The following MUCL3 variants were observed in gnomAD, a reference collection of about 807,000 sequenced individuals.
The protein encoded by MUCL3 is mucin like 3.
A neutral mutation model predicts 70.2 loss-of-function variants in MUCL3; 42 were observed. The ratio of observed to expected loss-of-function variants is 0.60; its 90% CI spans 0.47 to 0.77. The LOEUF (loss-of-function observed/expected upper bound fraction) is 0.77, where lower values mean the gene tolerates loss of function less well. Among genes scored for constraint, MUCL3 ranks in the 30% least tolerant of loss-of-function variants. The pLI is 0.00. For synonymous variants in MUCL3, 522 were observed against 647.0 expected, an observed-to-expected ratio of 0.81 and a Z score of 2.93; for missense variants, 1,429 against 1,670.0, an observed-to-expected ratio of 0.86 and a Z score of 2.52.
At chr6:30,942,858 G>A (rs2150603105) in intron 1 of MUCL3, among the ~76,000 whole-genome samples, 2 of 152,290 alleles carry the variant, frequency 1.3e-5, no homozygotes, top group East Asian at 3.9e-4. Flanking sequence ...ATTCCGATGG[G>A]GCCATGTGGG....
chr6:30,951,684 G>A lies in MUCL3; in HGVS notation c.3220G>A (p.Glu1074Lys). The A allele has an allele frequency of 6.4e-7, 1 of 1,552,274 alleles. No homozygotes were observed. Among genetic ancestry groups the A allele is most frequent in the Non-Finnish European group, 8.7e-7 (1 of 1,147,126 alleles). ...TGGAGAAAAGACTACATTGGCCAAT[G>A]AGAAGATCACACTATCCCCAGAAGG... ...EHGEKTTLAN[E>K]KITLSPEGPT... The change falls in exon 2 of 3, where the codon GAG becomes AAG. Residue 1074 changes from glutamate to lysine, a missense_variant. By Grantham distance (56) the Glu-to-Lys change is moderately conservative. Coordinates refer to ENST00000462446, the MANE Select transcript of MUCL3 (RefSeq NM_080870.4).
rs1760634090 is a variant in MUCL3, at chr6:30,950,852, A to T, written c.2388A>T (p.Ser796=). 2.6e-6 allele frequency: 4 copies of T among 1,550,536 alleles called. No homozygotes were observed. Among genetic ancestry groups the T allele is most frequent in the Non-Finnish European group, 3.5e-6 (4 of 1,146,844 alleles). ...RTPFANEKTT[S]SSAEPTEHAE... is the part of the protein sequence containing the mutation. Reference sequence around the variant, plus strand: ...CATTTGCCAATGAGAAGACCACATCATCCTCAGCAGAGCCTACAGAACACG... The same window carrying T: ...CATTTGCCAATGAGAAGACCACATCTTCCTCAGCAGAGCCTACAGAACACG... Residue 796 remains serine (S), a synonymous_variant, in exon 2 of 3, where the codon TCA becomes TCT. Transcript: ENST00000462446.
chr6:30,953,609 G>T lies in MUCL3; in HGVS notation c.*492G>T, dbSNP rs143020114. ...AAACAGGCTCATCTCTGAGTTCTCA[G>T]GACCCTTGCCCCCACCCCCATTTTT... On this transcript the variant is annotated 3_prime_UTR_variant, in exon 3 of 3. Transcript: ENST00000462446. The T allele has an allele frequency of 4.3e-3, 632 of 148,470 alleles. 5 individuals carry two copies. The highest frequency in any genetic ancestry group is 0.017 in the Middle Eastern group (5 of 296). 9.2% of individuals were successfully genotyped at this position (148,470 alleles called of 1,614,324 possible).
Position 30,952,133 on chromosome 6 carries a change from A to C in MUCL3, c.3669A>C (p.Lys1223Asn). 2 of 1,613,164 alleles carry C rather than the reference A, an allele frequency of 1.2e-6. No individual in the cohort carries two copies. ...CCACACTGACCACTGAGACCATAAA[A>C]GCCCCAGTAAAGTCCACAGAAAACC... Reference protein sequence around the residue: ...GNTTLTTETIKAPVKSTENPE... With the variant: ...GNTTLTTETINAPVKSTENPE... The change falls in exon 2 of 3, where the codon AAA (lysine) becomes AAC (asparagine). Residue 1223 changes from lysine (K) to asparagine (N), a missense_variant. Lys to Asn is a moderately conservative substitution (Grantham distance 94). Coordinates refer to ENST00000462446, the MANE Select transcript of MUCL3 (RefSeq NM_080870.4).
chr6:30,942,097 G>A (rs1210141756), intron 1 of MUCL3, among the ~76,000 whole-genome samples: 17 of 152,156 alleles, frequency 1.1e-4, no homozygotes. Context: ...TGTTGCTCTA[G>A]GGACTTCATC....
Position 30,952,378 on chromosome 6 carries a change from C to G in MUCL3, c.3914C>G (p.Ser1305Ter). ...CATCCATACCTCAATAAAGATGGCT[C>G]ACAGAAAGGTATCCACGCTGGACAG... is the stretch of plus-strand genomic sequence containing the variant. ...ESHPYLNKDGSQKGIHAGQMG... is the reference protein window; with the variant it reads ...ESHPYLNKDG Residue 1305 changes from serine to a stop codon, truncating the protein, a stop_gained, in exon 2 of 3, where the codon TCA becomes TGA. Transcript: ENST00000462446. LOFTEE classifies it high-confidence loss of function. The G allele has an allele frequency of 1.9e-6, 3 of 1,614,208 alleles. No homozygotes were observed. The highest frequency in any genetic ancestry group is 2.5e-6 in the Non-Finnish European group (3 of 1,180,046).
intron 2 of MUCL3, 152 bp downstream of exon 2, chr6:30,952,651 C>A: frequency 1.1e-6 from 1 of 921,944 alleles, no homozygotes; most frequent in South Asian, 1.9e-5. Flanking sequence ...TTGGTGAAAA[C>A]TAAGGAGAAA....
chr6:30,948,027 T>C (rs953407483), intron 1 of MUCL3, among the ~76,000 whole-genome samples: 5 of 152,220 alleles, frequency 3.3e-5, no homozygotes, highest in Non-Finnish European at 7.3e-5. Context: ...TAACGTTTAC[T>C]CCTGGTCTTC....
At chr6:30,946,666 G>A (rs1795794343) in intron 1 of MUCL3, among the ~76,000 whole-genome samples, 1 of 152,146 alleles carries the variant, frequency 6.6e-6, no homozygotes, top group Admixed American at 6.5e-5. Context: ...ACCTTTCAGG[G>A]AGTCCACACA....
Position 30,952,402 on chromosome 6 carries a change from A to C in MUCL3, c.3938A>C (p.Gln1313Pro). 6.2e-7 allele frequency: 1 copy of C among 1,614,176 alleles called. No homozygotes were observed. The highest frequency in any genetic ancestry group is 8.5e-7 in the Non-Finnish European group (1 of 1,180,026). Residue 1313 changes from glutamine to proline, a missense_variant, in exon 2 of 3, where the codon CAG becomes CCG. Coordinates refer to ENST00000462446, the MANE Select transcript of MUCL3 (RefSeq NM_080870.4). ...DGSQKGIHAG[Q>P]MGENDSFPAW... is the part of the protein sequence containing the mutation. The stretch of plus-strand genomic sequence containing the variant: ...TCACAGAAAGGTATCCACGCTGGAC[A>C]GATGGGAGAGAATGATTCATTCCCT...
In MUCL3 at chr6:30,950,970, C is replaced by G; in HGVS notation, c.2506C>G (p.Gln836Glu). ...RERTANEKTT[Q>E]FPAEPTENRE... ...AAGGACAGCCAATGAGAAGACCACA[C>G]AATTCCCAGCAGAGCCTACAGAAAA... The change falls in exon 2 of 3, where the codon CAA becomes GAA. Residue 836 changes from glutamine to glutamate, a missense_variant. Gln to Glu is a conservative substitution (Grantham distance 29). Coordinates refer to ENST00000462446, the MANE Select transcript of MUCL3 (RefSeq NM_080870.4). 6.5e-7 allele frequency: 1 copy of G among 1,548,332 alleles called. No individual in the cohort carries two copies. Among genetic ancestry groups the G allele is most frequent in the Non-Finnish European group, 8.7e-7 (1 of 1,146,412 alleles).
At position 30,948,544 on chromosome 6, in the gene MUCL3, C is replaced by T. The variant is rs1760420436; in HGVS notation, c.83-3C>T. The T allele has an allele frequency of 6.6e-7, 1 of 1,520,052 alleles. No homozygotes were observed. 94.2% of individuals were successfully genotyped at this position (1,520,052 alleles called of 1,614,324 possible). On this transcript the variant is annotated splice_polypyrimidine_tract_variant and splice_region_variant and intron_variant, in intron 1 of 2. Coordinates refer to ENST00000462446, the MANE Select transcript of MUCL3 (RefSeq NM_080870.4). The stretch of plus-strand genomic sequence containing the variant: ...TTTCTTATTTGCCTCTCTCCCTCCA[C>T]AGGTGCTACTACATTCCAAGAATAT...
Position 30,950,210 on chromosome 6 carries a change from A to G in MUCL3, c.1746A>G (p.Glu582=). 6.4e-7 allele frequency: 1 copy of G among 1,551,112 alleles called. No individual in the cohort carries two copies. Among genetic ancestry groups the G allele is most frequent in the South Asian group, 1.2e-5 (1 of 84,008 alleles). The change falls in exon 2 of 3, where the codon GAA becomes GAG. Residue 582 remains glutamate, a synonymous_variant. Coordinates refer to ENST00000462446, the MANE Select transcript of MUCL3 (RefSeq NM_080870.4). ...CGCCATCTCTAGCAGAGCCTACAGAAAATGGACAAAGGACCCCATTTGCCA... is the reference window on the plus strand; with the variant it reads ...CGCCATCTCTAGCAGAGCCTACAGAGAATGGACAAAGGACCCCATTTGCCA... The part of the protein sequence containing the change: ...KTTPSLAEPT[E]NGQRTPFANE...
At chr6:30,941,360 T>C (rs1795563646) in intron 1 of MUCL3, among the ~76,000 whole-genome samples, 1 of 152,018 alleles carries the variant, frequency 6.6e-6, no homozygotes. Context: ...CTGCCAGCCC[T>C]GGATGGTGGG....
Position 30,946,244 on chromosome 6 carries a change from T to C in MUCL3, c.83-2303T>C, listed in dbSNP as rs556591997. 7 of 152,288 alleles carry C rather than the reference T, an allele frequency of 4.6e-5. No homozygotes were observed. In the East Asian group the frequency reaches 1.3e-3, roughly 29 times the overall value. 9.4% of individuals were successfully genotyped at this position (152,288 alleles called of 1,614,324 possible). ...ATTCAACAAACATTTAAATAGCTTC[T>C]GTGCTCCAGAGTCTTCCATGGTCCA... On this transcript the variant is annotated intron_variant, in intron 1 of 2. Transcript: ENST00000462446.
rs1208336938 is a variant in MUCL3, at chr6:30,954,214, A to C, written c.*1097A>C. 6.6e-6 allele frequency: 1 copy of C among 152,224 alleles called. No individual in the cohort carries two copies. The highest frequency in any genetic ancestry group is 1.5e-5 in the Non-Finnish European group (1 of 68,044). The allele number at this position is 152,224 out of a possible 1,614,324, so 9.4% of individuals were successfully genotyped here. On this transcript the variant is annotated 3_prime_UTR_variant, in exon 3 of 3. Transcript: ENST00000462446. This position sits in a 1 kb window ranked among gnomAD's most constrained non-coding sequence, Gnocchi z 4.4. ...TTTTATAATAAAGTATAACATGTTT[A>C]TAAAGGGCATCATAGTTATTAGACT...
At chr6:30,941,871 G>A (rs1326247176) in intron 1 of MUCL3, among the ~76,000 whole-genome samples, 2 of 152,104 alleles carry the variant, frequency 1.3e-5, no homozygotes, top group East Asian at 3.9e-4. Flanking sequence ...CAGCTAGAGG[G>A]AGGTAAGCAG....
chr6:30,954,105 T>C lies in MUCL3; in HGVS notation c.*988T>C, dbSNP rs3757340. The C allele has an allele frequency of 0.36, 55,371 of 152,122 alleles. 10,700 individuals are homozygous for C. Among genetic ancestry groups the C allele is most frequent in the South Asian group, 0.53 (2,530 of 4,810 alleles). The allele number at this position is 152,122 out of a possible 1,614,324, so 9.4% of individuals were successfully genotyped here. The stretch of plus-strand genomic sequence containing the variant: ...TTTTCTGGATTTTCTCTCTCTCTTC[T>C]TATGGCCATTTCACCTTATTACTGA... On this transcript the variant is annotated 3_prime_UTR_variant, in exon 3 of 3. Transcript: ENST00000462446. This position sits in a 1 kb window ranked among gnomAD's most constrained non-coding sequence, Gnocchi z 4.4.
At chr6:30,946,758 C>A (rs1795798288) in intron 1 of MUCL3, among the ~76,000 whole-genome samples, 1 of 152,166 alleles carries the variant, frequency 6.6e-6, no homozygotes, top group African/African-American at 2.4e-5. Flanking sequence ...GATCTGGGCC[C>A]GGGACCCCAG....
Sources: allele counts gnomAD v4.1 joint callset (sites outside exome capture counted in the v4.1 genomes callset), GRCh38; gene constraint gnomAD v4.1.1; non-coding constraint Gnocchi (gnomAD v3.1); transcripts MANE v1.5; gene names NCBI Gene and HGNC (gene_info 2026-07-23, HGNC 2026-07-21).